The following DOT1L variants were observed in gnomAD, a reference collection of about 807,000 sequenced individuals.
DOT1L encodes DOT1 like histone lysine methyltransferase, also known as histone-lysine N-methyltransferase, H3 lysine-79 specific.
Under a neutral mutation model 153.3 loss-of-function variants are expected in DOT1L, and 33 were observed. The observed-to-expected ratio is 0.22, with a 90% confidence interval of 0.16 to 0.29. The LOEUF is 0.29. DOT1L is among the 10% of genes least tolerant of loss of function. The pLI is 1.00. For missense variants in DOT1L, 1,847 were observed against 2,119.9 expected (o/e 0.87, Z 2.53); for synonymous variants, 1,135 against 965.1 (o/e 1.18, Z -3.26).
Position 2,227,728 on chromosome 19 carries a change from T to C in DOT1L, c.4606+601T>C, listed in dbSNP as rs907289524. Reference sequence around the variant, plus strand: ...TTGTTGAAGCTGCGTTTTTCTCTCCTATTTGCAGGTGTCTTTAACCACGCG... The same window carrying C: ...TTGTTGAAGCTGCGTTTTTCTCTCCCATTTGCAGGTGTCTTTAACCACGCG... On this transcript the variant is annotated intron_variant, in intron 27 of 27. Coordinates refer to ENST00000398665, the MANE Select transcript of DOT1L (RefSeq NM_032482.3). 4 of 1,312,268 alleles carry C rather than the reference T, an allele frequency of 3.0e-6. No individual in the cohort carries two copies. The African/African-American group carries it at 6.1e-5, about 20-fold the overall frequency. The allele number at this position is 1,312,268 out of a possible 1,614,324, so 81.3% of individuals were successfully genotyped here. A position where few individuals can be genotyped will look rare whatever the true frequency, so the allele number is the denominator to read the frequency against.
intron 22 of DOT1L, among the ~76,000 whole-genome samples, chr19:2,219,519 G>A (rs2024033528): frequency 6.6e-6 from 1 of 152,170 alleles, no homozygotes; most frequent in East Asian, 1.9e-4. Flanking sequence ...CCAGTTGATG[G>A]ACCCCGGCTT....
rs1026935388 is a variant in DOT1L, at chr19:2,191,377, T to G, written c.493+137T>G. The G allele has an allele frequency of 1.9e-5, 17 of 883,776 alleles. No individual in the cohort carries two copies. The highest frequency in any genetic ancestry group is 3.0e-5 in the Non-Finnish European group (17 of 567,398). 54.7% of individuals were successfully genotyped at this position (883,776 alleles called of 1,614,324 possible). ...GACAGTGCTTCCTTCTCCCAGCGCC[T>G]CTGTCCCGCTGTGGGGCCGTTCCTT... On this transcript the variant is annotated intron_variant, in intron 5 of 27. Coordinates refer to ENST00000398665, the MANE Select transcript of DOT1L (RefSeq NM_032482.3). The surrounding 1 kb of genome is among the most constrained non-coding windows in gnomAD (Gnocchi z 6.8).
chr19:2,202,099 C>T lies in DOT1L; in HGVS notation c.708-601C>T, dbSNP rs576632013. On this transcript the variant is annotated intron_variant, in intron 8 of 27. Coordinates refer to ENST00000398665, the MANE Select transcript of DOT1L (RefSeq NM_032482.3). ...TGAGCTCAGCCGACCTCACGTCTAG[C>T]CTCCCTAAGTGCGGTCCTGAGTGGG... 2.6e-5 allele frequency among the ~76,000 whole-genome samples: 4 copies of T among 152,354 alleles called. No homozygotes were observed. The East Asian group carries it at 7.7e-4, about 29-fold the overall frequency.
chr19:2,227,196 C>G, intron 27 of DOT1L, 69 bp downstream of exon 27: 2 of 1,555,618 alleles, frequency 1.3e-6, no homozygotes, highest in South Asian at 1.1e-5. Context: ...TTTGCAGGTT[C>G]CCTTCCGCAC....
chr19:2,168,457 C>T (rs954951615), intron 1 of DOT1L, among the ~76,000 whole-genome samples: 2 of 152,124 alleles, frequency 1.3e-5, no homozygotes, highest in Admixed American at 1.3e-4. Context: ...AGGGGCCATC[C>T]GGAGGAGGAA....
chr19:2,185,674 C>T (rs1009571161), intron 2 of DOT1L, among the ~76,000 whole-genome samples, 181 bp from the exon 3 acceptor site: 1 of 152,134 alleles, frequency 6.6e-6, no homozygotes, highest in African/African-American at 2.4e-5. Context: ...GAGGCTGAGG[C>T]AGGAGAATCG....
At chr19:2,212,632 T>A (rs1185437767) in intron 16 of DOT1L, 2 of 152,264 alleles carry the variant, frequency 1.3e-5, no homozygotes, top group East Asian at 3.9e-4. Context: ...AGGCTAAACT[T>A]CTTTGGTTCG....
intron 1 of DOT1L, among the ~76,000 whole-genome samples, chr19:2,165,925 C>T (rs565506869): frequency 6.6e-6 from 1 of 152,036 alleles, no homozygotes; most frequent in African/African-American, 2.4e-5. Flanking sequence ...CCCGCCACCA[C>T]GCCCGGCTAA....
intron 22 of DOT1L, among the ~76,000 whole-genome samples, chr19:2,218,552 CCT>C (rs2023991869): frequency 6.6e-6 from 1 of 151,292 alleles, no homozygotes; most frequent in South Asian, 2.1e-4. Context: ...CGCCACCACG[CCT>C]GGCTAATTTT....
intron 22 of DOT1L, among the ~76,000 whole-genome samples, chr19:2,219,644 C>T (rs746945760): frequency 1.5e-4 from 23 of 152,340 alleles, no homozygotes; most frequent in African/African-American, 5.3e-4. Flanking sequence ...CTGGGTTCTG[C>T]GGTCACTCTA....
At position 2,222,874 on chromosome 19, in the gene DOT1L, C is replaced by CG. The variant is rs993795285; in HGVS notation, c.3390+321dup. The CG allele has an allele frequency of 3.3e-4, 129 of 392,518 alleles. 1 individual carries two copies. The highest frequency in any genetic ancestry group is 1.3e-4 in the Admixed American group (3 of 23,474). 24.3% of individuals were successfully genotyped at this position (392,518 alleles called of 1,614,324 possible). A position where few individuals can be genotyped will look rare whatever the true frequency, so the allele number is the denominator to read the frequency against. On this transcript the variant is annotated intron_variant, in intron 24 of 27. Coordinates refer to ENST00000398665, the MANE Select transcript of DOT1L (RefSeq NM_032482.3). This position sits in a 1 kb window ranked among gnomAD's most constrained non-coding sequence, Gnocchi z 6.5. ...TGGGCCACAGAGCGAGACTCCCTCTCGGGGGGACAAAAAAAAACACAAAAA... is the reference window on the plus strand; with the variant it reads ...TGGGCCACAGAGCGAGACTCCCTCTCGGGGGGGACAAAAAAAAACACAAAAA...
chr19:2,229,386 G>T (rs1427473023), intron 27 of DOT1L: 1 of 985,368 alleles, frequency 1.0e-6, no homozygotes, highest in African/African-American at 1.7e-5. Flanking sequence ...ACCGGGCAAG[G>T]AGAGGAGGAC....
intron 1 of DOT1L, among the ~76,000 whole-genome samples, chr19:2,165,377 G>C (rs1015636266): frequency 6.6e-6 from 1 of 152,184 alleles, no homozygotes; most frequent in African/African-American, 2.4e-5. Flanking sequence ...CTGGCTCACT[G>C]CCCCGGGTCG....
rs766577545 is a variant in DOT1L at position 2,222,226 on chromosome 19, G to A, written c.3057G>A (p.Pro1019=). 9.3e-6 allele frequency: 15 copies of A among 1,613,016 alleles called. No homozygotes were observed. In the Admixed American group the frequency reaches 1.2e-4, roughly 13 times the overall value. The change falls in exon 24 of 28, where the codon CCG becomes CCA. Residue 1019 remains proline (P), a synonymous_variant. Coordinates refer to ENST00000398665, the MANE Select transcript of DOT1L (RefSeq NM_032482.3). The surrounding 1 kb of genome is among the most constrained non-coding windows in gnomAD (Gnocchi z 6.5). ...SPRLGGAAQG[P]LPEASKGDLP... The stretch of plus-strand genomic sequence containing the variant: ...GGCTTGGTGGGGCCGCCCAGGGCCC[G>A]TTGCCCGAGGCCAGCAAGGGAGACC...
chr19:2,165,283 C>CGG (rs2019866947), intron 1 of DOT1L, among the ~76,000 whole-genome samples: 1 of 50 alleles, frequency 0.02, no homozygotes, highest in Non-Finnish European at 0.036. Flanking sequence ...CTGGGACTCC[C>CGG]GCGCGCGCTG....
chr19:2,179,103 G>A (rs1228015067), intron 1 of DOT1L, among the ~76,000 whole-genome samples: 1 of 152,120 alleles, frequency 6.6e-6, no homozygotes, highest in Admixed American at 6.6e-5. Flanking sequence ...TCTGGCCTTT[G>A]GAGGAGAGCC....
chr19:2,179,193 A>G (rs551845528), intron 1 of DOT1L, among the ~76,000 whole-genome samples: 1 of 152,302 alleles, frequency 6.6e-6, no homozygotes, highest in African/African-American at 2.4e-5. Flanking sequence ...GCATCCTGGC[A>G]GGAGCCCCAC....
At chr19:2,218,774 G>A (rs1009918107) in intron 22 of DOT1L, among the ~76,000 whole-genome samples, 1 of 151,298 alleles carries the variant, frequency 6.6e-6, no homozygotes, top group African/African-American at 2.4e-5. Flanking sequence ...TCGGCTCACT[G>A]CAATCTCTGC....
intron 1 of DOT1L, among the ~76,000 whole-genome samples, chr19:2,178,881 C>G (rs1158720133): frequency 6.6e-6 from 1 of 152,194 alleles, no homozygotes; most frequent in African/African-American, 2.4e-5. Flanking sequence ...TGGTTTTAGA[C>G]TTAGAAGAAA....
Sources: gnomAD v4.1 joint callset for allele counts (sites outside exome capture counted in the v4.1 genomes callset) on GRCh38, gnomAD v4.1.1 for gene constraint, Gnocchi (gnomAD v3.1) non-coding constraint, MANE v1.5 for transcripts, NCBI Gene and HGNC (gene_info 2026-07-23, HGNC 2026-07-21) for gene names.